MSX1: variants seen among roughly 807,000 people sequenced by gnomAD.
MSX1 encodes msh homeobox 1, also known as homeobox protein MSX-1.
A neutral mutation model predicts 17.0 loss-of-function variants in MSX1; 11 were observed. That is an observed-to-expected ratio of 0.65 (90% CI 0.41 to 1.07). The LOEUF is 1.07. Ranked by LOEUF, MSX1 falls within the 50% of genes least tolerant of loss-of-function variation. MSX1 has a pLI of 0.00. For missense variants in MSX1, 477 were observed against 440.1 expected (o/e 1.08, Z -0.75); for synonymous variants, 253 against 211.8 (o/e 1.19, Z -1.69).
intron 1 of MSX1, among the ~76,000 whole-genome samples, chr4:4,862,118 C>T (rs1317609667): frequency 1.3e-5 from 2 of 152,196 alleles, no homozygotes; most frequent in East Asian, 1.9e-4. Flanking sequence ...CTCTGGTCTG[C>T]GGGAACTACT....
intron 1 of MSX1, among the ~76,000 whole-genome samples, chr4:4,860,683 G>A (rs1034059785): frequency 1.3e-5 from 2 of 152,210 alleles, no homozygotes; most frequent in Non-Finnish European, 2.9e-5. Flanking sequence ...CCCAAACTCT[G>A]TTTCATCGGC....
At position 4,862,810 on chromosome 4, in the gene MSX1, G is replaced by T. The variant is rs1235225331; in HGVS notation, c.579G>T (p.Gln193His). The T allele has an allele frequency of 3.1e-6, 5 of 1,613,612 alleles. No individual in the cohort carries two copies. Among genetic ancestry groups the T allele is most frequent in the Non-Finnish European group, 4.2e-6 (5 of 1,180,008 alleles). The change falls in exon 2 of 2, where the codon CAG becomes CAT. Residue 193 changes from glutamine to histidine, a missense_variant. Around this residue, in one of 3 missense-constraint regions of MSX1, gnomAD observed 355 missense variants for 306.1 expected, o/e 1.16. Coordinates refer to ENST00000382723, the MANE Select transcript of MSX1 (RefSeq NM_002448.3). ...TGGCGCTGGAGCGCAAGTTCCGCCA[G>T]AAGCAGTACCTGTCCATCGCCGAGC... ...QLLALERKFR[Q>H]KQYLSIAERA...
chr4:4,862,383 C>G, intron 1 of MSX1: 1 of 527,204 alleles, frequency 1.9e-6, no homozygotes, highest in South Asian at 1.9e-5. Context: ...CCTAAGCCGC[C>G]GGGCAGCACA....
At chr4:4,862,573 C>CCCGGCA (rs1737941104) in intron 1 of MSX1, 128 bp from the exon 2 acceptor site, 1 of 1,099,534 alleles carries the variant, frequency 9.1e-7, no homozygotes, top group Non-Finnish European at 1.4e-6. Context: ...TTGCGCGATG[C>CCCGGCA]CCGGCACCGA....
At chr4:4,860,765 G>C (rs1737898577) in intron 1 of MSX1, among the ~76,000 whole-genome samples, 1 of 152,220 alleles carries the variant, frequency 6.6e-6, no homozygotes, top group Non-Finnish European at 1.5e-5. Flanking sequence ...CTCGCAGTAG[G>C]AGCTGGTGTC....
At position 4,863,357 on chromosome 4, in the gene MSX1, G is replaced by A. The variant is rs1389916230; in HGVS notation, c.*214G>A. 1.8e-6 allele frequency: 1 copy of A among 568,690 alleles called. No individual in the cohort carries two copies. The highest frequency in any genetic ancestry group is 1.9e-5 in the African/African-American group (1 of 53,030). The allele number at this position is 568,690 out of a possible 1,614,324, so 35.2% of individuals were successfully genotyped here. On this transcript the variant is annotated 3_prime_UTR_variant, in exon 2 of 2. Transcript: ENST00000382723. ...TCCCTTAGTACTCTTCTAGCATTTA[G>A]ATCTACACTCTCGAGTTAAAGATGG...
chr4:4,862,160 G>A (rs1422637116), intron 1 of MSX1, among the ~76,000 whole-genome samples: 3 of 152,180 alleles, frequency 2.0e-5, no homozygotes, highest in African/African-American at 7.2e-5. Flanking sequence ...AGTGTTCCGG[G>A]GAAAGTGTAG....
Position 4,863,221 on chromosome 4 carries a change from C to T in MSX1, c.*78C>T. ...TGTACCCCCGACGTGCTCCCCTGCT[C>T]GGCACCGCCAGCCGCCTTCCCTTTA... On this transcript the variant is annotated 3_prime_UTR_variant, in exon 2 of 2. Transcript: ENST00000382723. 3 of 1,428,454 alleles carry T rather than the reference C, an allele frequency of 2.1e-6. No individual in the cohort carries two copies. Among genetic ancestry groups the T allele is most frequent in the Middle Eastern group, 2.4e-4 (1 of 4,168 alleles). The allele number at this position is 1,428,454 out of a possible 1,614,324, so 88.5% of individuals were successfully genotyped here.
At position 4,863,074 on chromosome 4, in the gene MSX1, C is replaced by G. The variant is rs371411459; in HGVS notation, c.843C>G (p.Ala281=). Residue 281 remains alanine, a synonymous_variant, in exon 2 of 2, where the codon GCC becomes GCG. Transcript: ENST00000382723. ...GTGCCTCTGGCCCCTTCCAGCGCGCCGCGCTGCCTGTGGCGCCCGTGGGAC... is the reference window on the plus strand; with the variant it reads ...GTGCCTCTGGCCCCTTCCAGCGCGCGGCGCTGCCTGTGGCGCCCGTGGGAC... ...LYGASGPFQR[A]ALPVAPVGLY... is the part of the protein sequence containing the mutation. 5.3e-5 allele frequency: 85 copies of G among 1,608,412 alleles called. No homozygotes were observed. In the East Asian group the frequency reaches 1.8e-3, roughly 34 times the overall value.
rs1737933377 is a variant in MSX1 at position 4,862,276 on chromosome 4, G to C, written c.470-425G>C. On this transcript the variant is annotated intron_variant, in intron 1 of 1. Coordinates refer to ENST00000382723, the MANE Select transcript of MSX1 (RefSeq NM_002448.3). ...ACGCGTAAAACTAAATGTGCCCTTG[G>C]GCTGGGCGCAGGGCCTCTTTCTGCA... Among the ~76,000 whole-genome samples, 5 of 152,238 alleles carry C rather than the reference G, an allele frequency of 3.3e-5. No individual in the cohort carries two copies. The South Asian group carries it at 1.0e-3, about 32-fold the overall frequency.
chr4:4,861,067 G>C (rs1200242490), intron 1 of MSX1, among the ~76,000 whole-genome samples: 1 of 152,252 alleles, frequency 6.6e-6, no homozygotes, highest in East Asian at 1.9e-4. Context: ...ACGGCCCCCT[G>C]GCTGCTCTAC....
rs1405255802 is a variant in MSX1, at chr4:4,862,744, G to C, written c.513G>C (p.Thr171=). Residue 171 remains threonine (T), a synonymous_variant, in exon 2 of 2, where the codon ACG becomes ACC. Transcript: ENST00000382723. ...CCTGCACCCTCCGCAAACACAAGACGAACCGTAAGCCGCGGACGCCCTTCA... is the reference window on the plus strand; with the variant it reads ...CCTGCACCCTCCGCAAACACAAGACCAACCGTAAGCCGCGGACGCCCTTCA... The part of the protein sequence containing the change: ...PPACTLRKHK[T]NRKPRTPFTT... The C allele has an allele frequency of 7.4e-6, 12 of 1,613,382 alleles. No individual in the cohort carries two copies. Among genetic ancestry groups the C allele is most frequent in the African/African-American group, 6.7e-5 (5 of 75,058 alleles).
At position 4,862,672 on chromosome 4, in the gene MSX1, C is replaced by T. The variant is rs1472789620; in HGVS notation, c.470-29C>T. 1.9e-6 allele frequency: 3 copies of T among 1,600,708 alleles called. No individual in the cohort carries two copies. The East Asian group carries it at 6.7e-5, about 36-fold the overall frequency. ...ATGCTCCAATGCTTCTCTCTTAACC[C>T]CTTGCTTTTTTTTTCTTTCGGCCCT... On this transcript the variant is annotated intron_variant, in intron 1 of 1. Transcript: ENST00000382723.
rs1229734123 is a variant in MSX1 at position 4,859,840 on chromosome 4, C to T, written c.-60C>T. 7 of 1,386,640 alleles carry T rather than the reference C, an allele frequency of 5.0e-6. No individual in the cohort carries two copies. Among genetic ancestry groups the T allele is most frequent in the African/African-American group, 3.0e-5 (2 of 65,612 alleles). The allele number at this position is 1,386,640 out of a possible 1,614,324, so 85.9% of individuals were successfully genotyped here. A position where few individuals can be genotyped will look rare whatever the true frequency, so the allele number is the denominator to read the frequency against. On this transcript the variant is annotated 5_prime_UTR_variant, in exon 1 of 2. Transcript: ENST00000382723. ...AGAGGCCGGCCGCGCTCCCAGCCCG[C>T]CCGGAGCCCATGCCCGGCGGCTGGC...
chr4:4,860,436 A>C, intron 1 of MSX1, 68 bp downstream of exon 1: 1 of 1,532,936 alleles, frequency 6.5e-7, no homozygotes, highest in Non-Finnish European at 8.8e-7. Context: ...GTGGGACCCG[A>C]GGGCTCCTGG....
At chr4:4,861,684 G>T (rs758353292) in intron 1 of MSX1, among the ~76,000 whole-genome samples, 1 of 152,200 alleles carries the variant, frequency 6.6e-6, no homozygotes, top group African/African-American at 2.4e-5. Context: ...GGCTGTGTTG[G>T]GATAATTTGT....
In MSX1 at chr4:4,860,256, G is replaced by C; in HGVS notation, c.357G>C (p.Ser119=). 2 of 1,590,994 alleles carry C rather than the reference G, an allele frequency of 1.3e-6. No homozygotes were observed. Among genetic ancestry groups the C allele is most frequent in the Non-Finnish European group, 1.7e-6 (2 of 1,176,456 alleles). Residue 119 remains serine, a synonymous_variant, in exon 1 of 2, where the codon TCG becomes TCC. Coordinates refer to ENST00000382723, the MANE Select transcript of MSX1 (RefSeq NM_002448.3). ...CGCCGCGGCCGCTCGGCCATTTCTC[G>C]GTGGGGGGACTCCTCAAGCTGCCAG... ...PSSPRPLGHF[S]VGGLLKLPED... is the part of the protein sequence containing the mutation.
At chr4:4,861,179 A>G (rs959310664) in intron 1 of MSX1, among the ~76,000 whole-genome samples, 4 of 152,262 alleles carry the variant, frequency 2.6e-5, no homozygotes, top group African/African-American at 9.6e-5. Context: ...CCAGATTTCA[A>G]TGGCGTGATG....
chr4:4,863,354 T>A lies in MSX1; in HGVS notation c.*211T>A. Reference sequence around the variant, plus strand: ...GAGTCCCTTAGTACTCTTCTAGCATTTAGATCTACACTCTCGAGTTAAAGA... The same window carrying A: ...GAGTCCCTTAGTACTCTTCTAGCATATAGATCTACACTCTCGAGTTAAAGA... On this transcript the variant is annotated 3_prime_UTR_variant, in exon 2 of 2. Transcript: ENST00000382723. The A allele has an allele frequency of 1.3e-5, 5 of 373,998 alleles. No homozygotes were observed. The highest frequency in any genetic ancestry group is 4.2e-5 in the East Asian group (1 of 23,942). 23.2% of individuals were successfully genotyped at this position (373,998 alleles called of 1,614,324 possible).
Sources: allele counts gnomAD v4.1 joint callset (sites outside exome capture counted in the v4.1 genomes callset), GRCh38; gene constraint gnomAD v4.1.1; regional missense constraint gnomAD v4.1.1; transcripts MANE v1.5; gene names NCBI Gene and HGNC (gene_info 2026-07-23, HGNC 2026-07-21).